LRRTM1: variants seen among roughly 807,000 people sequenced by gnomAD.
LRRTM1 encodes leucine-rich repeat transmembrane neuronal protein 1.
A neutral mutation model predicts 37.3 loss-of-function variants in LRRTM1; 8 were observed. The ratio of observed to expected loss-of-function variants is 0.21; its 90% CI spans 0.13 to 0.39. The LOEUF (loss-of-function observed/expected upper bound fraction) is 0.39, where lower values mean the gene tolerates loss of function less well. LRRTM1 is among the 10% of genes least tolerant of loss of function. The pLI is 1.00. For synonymous variants in LRRTM1, 326 were observed against 316.8 expected (o/e 1.03, Z -0.31); for missense variants, 557 against 691.0 (o/e 0.81, Z 2.17).
chr2:80,299,886 C>A (rs200354371), downstream of LRRTM1, among the ~76,000 whole-genome samples: 1 of 152,152 alleles, frequency 6.6e-6, no homozygotes, highest in East Asian at 1.9e-4. Flanking sequence ...CAGCTTTGGG[C>A]GCTGGATTCC....
chr2:80,302,480 T>G lies in LRRTM1; in HGVS notation c.1340A>C (p.Tyr447Ser). 6.2e-7 allele frequency: 1 copy of G among 1,614,010 alleles called. No individual in the cohort carries two copies. The highest frequency in any genetic ancestry group is 8.5e-7 in the Non-Finnish European group (1 of 1,180,036). The change falls in exon 2 of 2, where the codon TAC (tyrosine) becomes TCC (serine). Residue 447 changes from tyrosine to serine, a missense_variant. Physicochemically the swap from Tyr to Ser is moderately radical, Grantham distance 144. Coordinates refer to ENST00000295057, the MANE Select transcript of LRRTM1 (RefSeq NM_178839.5). This position sits in a 1 kb window ranked among gnomAD's most constrained non-coding sequence, Gnocchi z 6.4. ...GGCTGGGAAACACTTCCAGGACACG[T>G]AGAGCACCAGGACCACGATGAGGAA... is the stretch of plus-strand genomic sequence containing the variant. ...FSFLIVVLVL[Y>S]VSWKCFPASL... is the part of the protein sequence containing the mutation.
At chr2:80,291,040 C>T (rs1360127702) in intron 2 of LRRTM1, among the ~76,000 whole-genome samples, 1 of 152,168 alleles carries the variant, frequency 6.6e-6, no homozygotes, top group Non-Finnish European at 1.5e-5. Context: ...ATGCTTTAAT[C>T]ATTCTGTGAG....
chr2:80,300,284 GTGTGT>G (rs1558981543), downstream of LRRTM1, among the ~76,000 whole-genome samples: 59 of 12,086 alleles, frequency 4.9e-3, no homozygotes, highest in Admixed American at 8.3e-3. Flanking sequence ...GTGTTGGGGT[GTGTGT>G]GTGTGTGTGT....
In LRRTM1 at chr2:80,302,201, G is replaced by A. The variant is rs755601698; in HGVS notation, c.*50C>T. 5 of 1,572,444 alleles carry A rather than the reference G, an allele frequency of 3.2e-6. No homozygotes were observed. Among genetic ancestry groups the A allele is most frequent in the Admixed American group, 1.7e-5 (1 of 57,850 alleles). ...AGCCTGGTGCCCGCCGGCCCGTCCC[G>A]GCTGCCCAGGCGTATTTGGTAGCGC... is the stretch of plus-strand genomic sequence containing the variant. On this transcript the variant is annotated 3_prime_UTR_variant, in exon 2 of 2. Coordinates refer to ENST00000295057, the MANE Select transcript of LRRTM1 (RefSeq NM_178839.5). This position sits in a 1 kb window ranked among gnomAD's most constrained non-coding sequence, Gnocchi z 6.4.
intron 2 of LRRTM1, among the ~76,000 whole-genome samples, chr2:80,293,321 A>G (rs1431426741): frequency 6.6e-6 from 1 of 152,242 alleles, no homozygotes; most frequent in East Asian, 1.9e-4. Flanking sequence ...GCTGCCTACA[A>G]TATCTCTAAG....
intron 1 of LRRTM1, 128 bp downstream of exon 1, chr2:80,304,024 T>C (rs570150287): frequency 2.0e-6 from 1 of 506,856 alleles, no homozygotes; most frequent in Non-Finnish European, 3.3e-6. Flanking sequence ...CTGGGCAGCA[T>C]AGAAAGTTCA....
downstream of LRRTM1, among the ~76,000 whole-genome samples, chr2:80,301,516 CTT>C (rs1256996842): frequency 1.3e-3 from 197 of 152,302 alleles, 8 homozygotes; most frequent in South Asian, 0.04. Context: ...TCTGGCATTG[CTT>C]TTTAAAAACC....
At chr2:80,304,014 C>G in intron 1 of LRRTM1, 136 bp from the exon 2 acceptor site, 1 of 546,454 alleles carries the variant, frequency 1.8e-6, no homozygotes, top group Non-Finnish European at 3.0e-6. Flanking sequence ...ATGCAGAAAG[C>G]TGGGCAGCAT....
At position 80,303,805 on chromosome 2, in the gene LRRTM1, C is replaced by A. The variant is rs1364175891; in HGVS notation, c.15G>T (p.Leu5=). The A allele has an allele frequency of 6.6e-7, 1 of 1,512,692 alleles. No homozygotes were observed. Among genetic ancestry groups the A allele is most frequent in the Middle Eastern group, 1.8e-4 (1 of 5,588 alleles). The allele number at this position is 1,512,692 out of a possible 1,614,324, so 93.7% of individuals were successfully genotyped here. MDFL[L]LGLCLYWLLR... is the part of the protein sequence containing the mutation. ...GCAGCCAGTATAGACAGAGACCGAG[C>A]AGCAGGAAATCCATTAGCGAGAATC... The change falls in exon 2 of 2, where the codon CTG becomes CTT. Residue 5 remains leucine (L), a synonymous_variant. Transcript: ENST00000295057. This position sits in a 1 kb window ranked among gnomAD's most constrained non-coding sequence, Gnocchi z 7.7.
chr2:80,291,874 A>T (rs1398681532), intron 2 of LRRTM1, among the ~76,000 whole-genome samples: 1 of 152,206 alleles, frequency 6.6e-6, no homozygotes, highest in Non-Finnish European at 1.5e-5. Flanking sequence ...GCCAGACCAC[A>T]GTGGTAAAGG....
At chr2:80,290,163 GA>G (rs1367152585) in intron 2 of LRRTM1, among the ~76,000 whole-genome samples, 2 of 152,178 alleles carry the variant, frequency 1.3e-5, no homozygotes, top group African/African-American at 4.8e-5. Context: ...TTGAGGTACA[GA>G]AAAGTGCTGA....
chr2:80,303,511 G>T lies in LRRTM1; in HGVS notation c.309C>A (p.Ser103=). The change falls in exon 2 of 2, where the codon TCC becomes TCA. Residue 103 remains serine (S), a synonymous_variant. Transcript: ENST00000295057. The surrounding 1 kb of genome is among the most constrained non-coding windows in gnomAD (Gnocchi z 7.7). The stretch of plus-strand genomic sequence containing the variant: ...GTTTCTGAAAGGCGTCCCCCTGCAC[G>T]GAGCAGATGTGATTGTGATCCAGAT... ...WLYLDHNHIC[S]VQGDAFQKLR... 1 of 1,614,240 alleles carries T rather than the reference G, an allele frequency of 6.2e-7. No homozygotes were observed. The highest frequency in any genetic ancestry group is 8.5e-7 in the Non-Finnish European group (1 of 1,180,048).
chr2:80,302,809 A>G lies in LRRTM1; in HGVS notation c.1011T>C (p.Asp337=). 1 of 1,613,876 alleles carries G rather than the reference A, an allele frequency of 6.2e-7. No homozygotes were observed. Among genetic ancestry groups the G allele is most frequent in the Non-Finnish European group, 8.5e-7 (1 of 1,179,994 alleles). The change falls in exon 2 of 2, where the codon GAT becomes GAC. Residue 337 remains aspartate, a synonymous_variant. Transcript: ENST00000295057. This position sits in a 1 kb window ranked among gnomAD's most constrained non-coding sequence, Gnocchi z 6.4. Reference sequence around the variant, plus strand: ...CCGGGCTGGCGCACTGCAAGTTGCCATCGTAGCGCCCCTGGAAGTTGTTGA... The same window carrying G: ...CCGGGCTGGCGCACTGCAAGTTGCCGTCGTAGCGCCCCTGGAAGTTGTTGA... ...SWLNNFQGRY[D]GNLQCASPEY...
rs112046245 is a variant in LRRTM1 at position 80,290,598 on chromosome 2, AT to A, written c.*307-1404del. ...GCCCCCTTGAAAATACTATTTAGACATTTTTTTTCCTAATTACTCCCCCTCC... is the reference window on the plus strand; with the variant it reads ...GCCCCCTTGAAAATACTATTTAGACATTTTTTTCCTAATTACTCCCCCTCC... On this transcript the variant is annotated intron_variant and NMD_transcript_variant, in intron 2 of 2. Coordinates refer to the LRRTM1 transcript ENST00000417012. Among the ~76,000 whole-genome samples the A allele has an allele frequency of 2.2e-4, 33 of 150,866 alleles. 1 individual carries two copies. The highest frequency in any genetic ancestry group is 2.2e-3 in the East Asian group (11 of 5,104).
Position 80,303,906 on chromosome 2 carries a change from G to A in LRRTM1, c.-59-28C>T. The A allele has an allele frequency of 1.4e-6, 2 of 1,420,380 alleles. No homozygotes were observed. The highest frequency in any genetic ancestry group is 1.9e-6 in the Non-Finnish European group (2 of 1,080,600). The allele number at this position is 1,420,380 out of a possible 1,614,324, so 88.0% of individuals were successfully genotyped here. A position where few individuals can be genotyped will look rare whatever the true frequency, so the allele number is the denominator to read the frequency against. ...ACATCATATTTTATTCCGAGGGAGG[G>A]GAAGCGGGGGAGGGGGAGAAAAGGG... On this transcript the variant is annotated intron_variant, in intron 1 of 1. Transcript: ENST00000295057. This position sits in a 1 kb window ranked among gnomAD's most constrained non-coding sequence, Gnocchi z 7.7.
chr2:80,294,777 T>C (rs1268468841), intron 2 of LRRTM1, among the ~76,000 whole-genome samples: 1 of 152,108 alleles, frequency 6.6e-6, no homozygotes, highest in Non-Finnish European at 1.5e-5. Flanking sequence ...GCAGCCAGGG[T>C]TGACAAGCAC....
At chr2:80,301,647 G>A (rs1016894859), downstream of LRRTM1, among the ~76,000 whole-genome samples, 3 of 152,280 alleles carry the variant, frequency 2.0e-5, no homozygotes, top group Admixed American at 1.3e-4. Context: ...AAAGGGTCTT[G>A]CAGTTTTTCT....
At position 80,302,895 on chromosome 2, in the gene LRRTM1, T is replaced by C. The variant is rs1676492814; in HGVS notation, c.925A>G (p.Ile309Val). The change falls in exon 2 of 2, where the codon ATC (isoleucine) becomes GTC (valine). Residue 309 changes from isoleucine to valine, a missense_variant. By Grantham distance (29) the Ile-to-Val change is conservative (BLOSUM62 3). Coordinates refer to ENST00000295057, the MANE Select transcript of LRRTM1 (RefSeq NM_178839.5). The surrounding 1 kb of genome is among the most constrained non-coding windows in gnomAD (Gnocchi z 6.4). Reference protein sequence around the residue: ...ILNSWKSLTSITLAGNLWDCG... With the variant: ...ILNSWKSLTSVTLAGNLWDCG... ...TCCCACAGGTTCCCGGCCAGGGTGATGCTTGTCAGGGACTTCCAAGAGTTG... is the reference window on the plus strand; with the variant it reads ...TCCCACAGGTTCCCGGCCAGGGTGACGCTTGTCAGGGACTTCCAAGAGTTG... The C allele has an allele frequency of 6.2e-7, 1 of 1,613,984 alleles. No homozygotes were observed. The highest frequency in any genetic ancestry group is 1.7e-5 in the Admixed American group (1 of 60,004).
downstream of LRRTM1, chr2:80,298,782 T>G (rs1387409026): frequency 1.3e-5 from 2 of 152,232 alleles, no homozygotes. Flanking sequence ...GAATAACCTT[T>G]CCTTTGCGAT....
Sources: allele counts gnomAD v4.1 joint callset (sites outside exome capture counted in the v4.1 genomes callset), GRCh38; gene constraint gnomAD v4.1.1; non-coding constraint Gnocchi (gnomAD v3.1); transcripts MANE v1.5; gene names NCBI Gene and HGNC (gene_info 2026-07-23, HGNC 2026-07-21).